NPR3: variants seen among roughly 807,000 people sequenced by gnomAD.
NPR3 encodes the protein natriuretic peptide receptor 3.
A neutral mutation model predicts 54.5 loss-of-function variants in NPR3; 34 were observed. That is an observed-to-expected ratio of 0.62 (90% CI 0.47 to 0.83). The LOEUF (loss-of-function observed/expected upper bound fraction) is 0.83. NPR3 is among the 40% of genes least tolerant of loss of function. NPR3 has a pLI of 0.00. For synonymous variants in NPR3, 289 were observed against 297.1 expected, an observed-to-expected ratio of 0.97 and a Z score of 0.28; for missense variants, 674 against 720.8, an observed-to-expected ratio of 0.94 and a Z score of 0.74.
rs1318431795 is a variant in NPR3, at chr5:32,782,896, A to T, written c.1294A>T (p.Ile432Phe). ...TTTGTTTTTTGCCTCTATATAGGTT[A>T]TTGGTGATTATTTTGGAAAAGAAGG... ...TDVEAGTQEVIGDYFGKEGRF... is the reference protein window; with the variant it reads ...TDVEAGTQEVFGDYFGKEGRF... The change falls in exon 6 of 8, where the codon ATT becomes TTT. Residue 432 changes from isoleucine (I) to phenylalanine (F), a missense_variant. Coordinates refer to ENST00000265074, the MANE Select transcript of NPR3 (RefSeq NM_001204375.2). 3 of 1,610,512 alleles carry T rather than the reference A, an allele frequency of 1.9e-6. No homozygotes were observed. The highest frequency in any genetic ancestry group is 2.5e-6 in the Non-Finnish European group (3 of 1,178,340).
At chr5:32,725,060 G>C (rs1739068698) in intron 2 of NPR3, among the ~76,000 whole-genome samples, 1 of 152,150 alleles carries the variant, frequency 6.6e-6, no homozygotes, top group African/African-American at 2.4e-5. Flanking sequence ...CTTACAAGTG[G>C]GAGCTAAACA....
chr5:32,730,126 G>T (rs924783539), intron 2 of NPR3, among the ~76,000 whole-genome samples: 3 of 151,880 alleles, frequency 2.0e-5, no homozygotes, highest in Admixed American at 6.6e-5. Context: ...ACCAAGCGGG[G>T]TTTATCCCAG....
intron 2 of NPR3, among the ~76,000 whole-genome samples, chr5:32,729,493 T>G (rs369796328): frequency 2.0e-5 from 3 of 152,374 alleles, no homozygotes; most frequent in African/African-American, 4.8e-5. Flanking sequence ...TGTACAGTTA[T>G]GTGTTGCTTA....
chr5:32,754,007 C>G (rs1004897963), intron 3 of NPR3, among the ~76,000 whole-genome samples: 2 of 152,164 alleles, frequency 1.3e-5, no homozygotes, highest in Non-Finnish European at 2.9e-5. Flanking sequence ...ATGTAGTCAG[C>G]CTTCCAGCTT....
At chr5:32,724,665 G>A (rs775774947) in intron 1 of NPR3, 33 bp from the exon 2 acceptor site, 3 of 1,613,276 alleles carry the variant, frequency 1.9e-6, no homozygotes, top group East Asian at 2.2e-5. Context: ...CTGCAAAGGG[G>A]TGCCTCATGT....
At chr5:32,738,341 T>C (rs6877968) in intron 2 of NPR3, among the ~76,000 whole-genome samples, 2,407 of 151,968 alleles carry the variant, frequency 0.016, 73 homozygotes, top group African/African-American at 0.055. Flanking sequence ...CCTGTGTCTA[T>C]GTGTTCTCAT....
intron 3 of NPR3, among the ~76,000 whole-genome samples, chr5:32,740,490 C>T (rs570464356): frequency 2.0e-5 from 3 of 151,828 alleles, no homozygotes; most frequent in African/African-American, 7.3e-5. Context: ...ATATTCACAT[C>T]ATTTAAAATA....
chr5:32,731,027 T>A (rs1412658682), intron 2 of NPR3, among the ~76,000 whole-genome samples: 1 of 152,214 alleles, frequency 6.6e-6, no homozygotes, highest in East Asian at 1.9e-4. Context: ...TTTGGATTTA[T>A]CTGGTATTTT....
rs1742841593 is a variant in NPR3, at chr5:32,790,262, C to CAGCAAGAAGAATGGAACATGCTG, written c.*3929_*3930insGGAACATGCTGAGCAAGAAGAAT. Reference sequence around the variant, plus strand: ...TTAGTGCCCCTTCAACAGCCATACTCAGCAAGAAGAATCAGAAGCTTGATC... The same window carrying CAGCAAGAAGAATGGAACATGCTG: ...TTAGTGCCCCTTCAACAGCCATACTCAGCAAGAAGAATGGAACATGCTGAGCAAGAAGAATCAGAAGCTTGATC... On this transcript the variant is annotated 3_prime_UTR_variant, in exon 8 of 8. Transcript: ENST00000265074. The CAGCAAGAAGAATGGAACATGCTG allele has an allele frequency of 5.9e-6, 1 of 170,270 alleles. No homozygotes were observed. Among genetic ancestry groups the CAGCAAGAAGAATGGAACATGCTG allele is most frequent in the African/African-American group, 2.4e-5 (1 of 41,350 alleles). 10.5% of individuals were successfully genotyped at this position (170,270 alleles called of 1,614,324 possible).
intron 3 of NPR3, among the ~76,000 whole-genome samples, chr5:32,753,082 G>C (rs1328100950): frequency 6.6e-6 from 1 of 152,108 alleles, no homozygotes; most frequent in Non-Finnish European, 1.5e-5. Flanking sequence ...CTATTGAAGT[G>C]GTACAATCTG....
intron 3 of NPR3, among the ~76,000 whole-genome samples, chr5:32,746,704 C>T (rs1740319881): frequency 6.6e-6 from 1 of 152,168 alleles, no homozygotes; most frequent in Non-Finnish European, 1.5e-5. Context: ...GTCCCTGCTA[C>T]TATTTCTCAT....
intron 2 of NPR3, among the ~76,000 whole-genome samples, chr5:32,738,410 T>G (rs1739863720): frequency 6.6e-6 from 1 of 152,174 alleles, no homozygotes; most frequent in South Asian, 2.1e-4. Flanking sequence ...GCATATCCAT[T>G]GTCATGCGTC....
chr5:32,775,294 A>AT (rs3066363), intron 4 of NPR3, among the ~76,000 whole-genome samples: 135 of 145,162 alleles, frequency 9.3e-4, no homozygotes, highest in South Asian at 2.6e-3. Context: ...AGGCCTCTGC[A>AT]TTTTTTTTTT....
chr5:32,735,333 G>C (rs1739672522), intron 2 of NPR3, among the ~76,000 whole-genome samples: 2 of 151,954 alleles, frequency 1.3e-5, no homozygotes, highest in Non-Finnish European at 2.9e-5. Flanking sequence ...GCCTCCCTCT[G>C]TGTTGTCCCT....
upstream of NPR3, among the ~76,000 whole-genome samples, chr5:32,711,141 G>T (rs1738198341): frequency 6.6e-6 from 1 of 152,040 alleles, no homozygotes; most frequent in Admixed American, 6.5e-5. Context: ...GTGAAGGGGT[G>T]CAGGGAGGAG....
At chr5:32,774,866 A>C (rs1741961780) in intron 4 of NPR3, 23 bp downstream of exon 4, 2 of 1,588,706 alleles carry the variant, frequency 1.3e-6, no homozygotes, top group South Asian at 2.2e-5. Context: ...TCTATAAGGC[A>C]ATTACATGGG....
upstream of NPR3, among the ~76,000 whole-genome samples, chr5:32,708,798 C>G (rs1244499224): frequency 6.6e-6 from 1 of 152,114 alleles, no homozygotes; most frequent in African/African-American, 2.4e-5. Context: ...CTTGGTGGGT[C>G]TTCCCATAAT....
Position 32,784,844 on chromosome 5 carries a change from T to G in NPR3, c.1475T>G (p.Leu492Ter). 1 of 1,613,864 alleles carries G rather than the reference T, an allele frequency of 6.2e-7. No individual in the cohort carries two copies. Among genetic ancestry groups the G allele is most frequent in the Non-Finnish European group, 8.5e-7 (1 of 1,179,804 alleles). The change falls in exon 7 of 8, where the codon TTA becomes TGA. Residue 492 changes from leucine (L) to a stop codon, truncating the protein, a stop_gained. Transcript: ENST00000265074. LOFTEE classifies it high-confidence loss of function. ...GTGACAGGAATTGTCGTGGGGGCTT[T>G]ACTAGGAGCTGGCTTGCTAATGGCC... ...SAVTGIVVGA[L>*]LGAGLLMAFY...
intron 1 of NPR3, among the ~76,000 whole-genome samples, chr5:32,700,849 A>G (rs1290708905): frequency 1.3e-5 from 2 of 152,262 alleles, no homozygotes. Context: ...TAGTGCCACA[A>G]TAAACATACA....
Sources: allele counts gnomAD v4.1 joint callset (sites outside exome capture counted in the v4.1 genomes callset), GRCh38; gene constraint gnomAD v4.1.1; transcripts MANE v1.5; gene names NCBI Gene and HGNC (gene_info 2026-07-23, HGNC 2026-07-21).